The following ARHGAP15 variants were observed in gnomAD, a reference collection of about 807,000 sequenced individuals.
ARHGAP15 encodes Rho GTPase activating protein 15.
Under a neutral mutation model 63.7 loss-of-function variants are expected in ARHGAP15, and 51 were observed. The ratio of observed to expected loss-of-function variants is 0.80; its 90% CI spans 0.64 to 1.01. The LOEUF (loss-of-function observed/expected upper bound fraction) is 1.01. Ranked by LOEUF, ARHGAP15 falls within the 50% of genes least tolerant of loss-of-function variation. The pLI is 0.00. For missense variants in ARHGAP15, 560 were observed against 564.6 expected (o/e 0.99, Z 0.08); for synonymous variants, 191 against 193.8 (o/e 0.99, Z 0.12).
At chr2:143,338,147 C>T (rs1402780691) in intron 6 of ARHGAP15, among the ~76,000 whole-genome samples, 1 of 152,026 alleles carries the variant, frequency 6.6e-6, no homozygotes, top group African/African-American at 2.4e-5. Flanking sequence ...CTTTGAGAGC[C>T]TTTAGAAGAG....
At chr2:143,556,530 G>T (rs1258406004) in intron 11 of ARHGAP15, 45 bp downstream of exon 11, 1 of 1,425,918 alleles carries the variant, frequency 7.0e-7, no homozygotes, top group Admixed American at 1.7e-5. Flanking sequence ...AGTTTCATAT[G>T]GAACAATATT....
At chr2:143,397,799 A>T (rs957017535) in intron 6 of ARHGAP15, among the ~76,000 whole-genome samples, 2 of 152,118 alleles carry the variant, frequency 1.3e-5, no homozygotes, top group Non-Finnish European at 2.9e-5. Context: ...GGTCTATCTC[A>T]CAATGTTTCA....
chr2:143,317,660 A>T (rs577297192), intron 6 of ARHGAP15, among the ~76,000 whole-genome samples: 43 of 152,308 alleles, frequency 2.8e-4, no homozygotes, highest in Admixed American at 2.5e-3. Flanking sequence ...TTTACCTCCA[A>T]AACTGAGGAA....
intron 6 of ARHGAP15, among the ~76,000 whole-genome samples, chr2:143,333,690 AG>A (rs1329101784): frequency 6.6e-6 from 1 of 152,194 alleles, no homozygotes; most frequent in Non-Finnish European, 1.5e-5. Context: ...GGGTTTGTAT[AG>A]CACCGGCTAA....
At chr2:143,271,588 G>T (rs1296123437) in intron 6 of ARHGAP15, among the ~76,000 whole-genome samples, 1 of 152,214 alleles carries the variant, frequency 6.6e-6, no homozygotes, top group Non-Finnish European at 1.5e-5. Flanking sequence ...CCATTCTCCT[G>T]CCTCAGCCTC....
intron 6 of ARHGAP15, among the ~76,000 whole-genome samples, chr2:143,371,790 C>G (rs1470812487): frequency 6.6e-6 from 1 of 152,136 alleles, no homozygotes; most frequent in Non-Finnish European, 1.5e-5. Flanking sequence ...ATGTGTACTT[C>G]TAGTACATAA....
intron 12 of ARHGAP15, among the ~76,000 whole-genome samples, chr2:143,673,284 G>C (rs1682624346): frequency 6.6e-6 from 1 of 152,088 alleles, no homozygotes; most frequent in Admixed American, 6.6e-5. Context: ...GACACAGAAA[G>C]CACGTTTATG....
Position 143,483,101 on chromosome 2 carries a change from A to G in ARHGAP15, c.704-4272A>G, listed in dbSNP as rs964429005. Among the ~76,000 whole-genome samples the G allele has an allele frequency of 3.3e-5, 5 of 152,260 alleles. No individual in the cohort carries two copies. The South Asian group carries it at 1.0e-3, about 32-fold the overall frequency. ...TCAGTATGTATGAGAAGGAAACAAG[A>G]TAAAGCATTTAAAAACATATTTTCA... On this transcript the variant is annotated intron_variant, in intron 8 of 13. Coordinates refer to ENST00000295095, the MANE Select transcript of ARHGAP15 (RefSeq NM_018460.4).
At chr2:143,388,632 A>G (rs1168036552) in intron 6 of ARHGAP15, among the ~76,000 whole-genome samples, 2 of 152,194 alleles carry the variant, frequency 1.3e-5, no homozygotes, top group Non-Finnish European at 2.9e-5. Context: ...ATACATACAT[A>G]TGTGTTTATA....
intron 4 of ARHGAP15, among the ~76,000 whole-genome samples, chr2:143,225,432 T>G (rs1187606249): frequency 1.3e-5 from 2 of 152,000 alleles, no homozygotes. Flanking sequence ...AAACCCCATC[T>G]CTATTAAAAG....
intron 6 of ARHGAP15, among the ~76,000 whole-genome samples, chr2:143,314,244 T>C (rs543124000): frequency 3.3e-5 from 5 of 152,356 alleles, no homozygotes; most frequent in African/African-American, 1.2e-4. Context: ...TACTTCAACA[T>C]ACGTGAATTT....
At chr2:143,459,339 G>A (rs965533065) in intron 8 of ARHGAP15, among the ~76,000 whole-genome samples, 1 of 151,564 alleles carries the variant, frequency 6.6e-6, no homozygotes. Context: ...TAAATGGGGG[G>A]TGGGGGGAAG....
intron 12 of ARHGAP15, among the ~76,000 whole-genome samples, chr2:143,629,015 A>G (rs1316870156): frequency 6.6e-6 from 1 of 152,164 alleles, no homozygotes; most frequent in Non-Finnish European, 1.5e-5. Context: ...TTTTGCATCC[A>G]ACTGGAATAC....
intron 11 of ARHGAP15, among the ~76,000 whole-genome samples, chr2:143,612,159 T>C (rs1698280049): frequency 6.6e-6 from 1 of 152,230 alleles, no homozygotes; most frequent in Non-Finnish European, 1.5e-5. Flanking sequence ...TTTCCCTGGC[T>C]TCCAAGCTAA....
intron 6 of ARHGAP15, among the ~76,000 whole-genome samples, chr2:143,251,090 G>GA (rs921934602): frequency 9.3e-5 from 14 of 149,814 alleles, no homozygotes; most frequent in South Asian, 2.1e-4. Flanking sequence ...TTAGTTTTTT[G>GA]AAAAAAAAAG....
At chr2:143,342,492 G>A (rs759320650) in intron 6 of ARHGAP15, among the ~76,000 whole-genome samples, 1 of 151,958 alleles carries the variant, frequency 6.6e-6, no homozygotes, top group Non-Finnish European at 1.5e-5. Context: ...GAGTAATTTG[G>A]CTACTTATAG....
chr2:143,682,912 C>G (rs1683170066), intron 12 of ARHGAP15: 1 of 152,172 alleles, frequency 6.6e-6, no homozygotes, highest in African/African-American at 2.4e-5. Flanking sequence ...AGCACAAGAG[C>G]TTGCTTACTC....
rs77427779 is a variant in ARHGAP15 at position 143,440,665 on chromosome 2, A to T, written c.703+3623A>T. On this transcript the variant is annotated intron_variant, in intron 8 of 13. Transcript: ENST00000295095. ...TACATATACTTTTCTTTTAAAAAAT[A>T]TGATTCTAACCTGCCAACACTATTA... 9.4e-4 allele frequency among the ~76,000 whole-genome samples: 143 copies of T among 152,344 alleles called. 2 individuals carry two copies. In the East Asian group the frequency reaches 0.026, roughly 28 times the overall value.
At chr2:143,260,505 G>A (rs1473950789) in intron 6 of ARHGAP15, among the ~76,000 whole-genome samples, 1 of 152,094 alleles carries the variant, frequency 6.6e-6, no homozygotes, top group Admixed American at 6.5e-5. Flanking sequence ...ATATTTAATA[G>A]TTAATATTCA....
Sources: gnomAD v4.1 joint callset for allele counts (sites outside exome capture counted in the v4.1 genomes callset) on GRCh38, gnomAD v4.1.1 for gene constraint, MANE v1.5 for transcripts, NCBI Gene and HGNC (gene_info 2026-07-23, HGNC 2026-07-21) for gene names.